Variants in PAX7 observed in about 807,000 individuals in gnomAD.
The protein encoded by PAX7 is paired box 7.
In PAX7, 18 loss-of-function variants were observed where a neutral mutation model predicts 50.7. That is an observed-to-expected ratio of 0.36 (90% confidence interval 0.25 to 0.53). PAX7 has a LOEUF of 0.53. Among genes scored for constraint, PAX7 ranks in the 20% least tolerant of loss-of-function variants. The probability of loss-of-function intolerance (pLI) is 0.93; values close to 1 mark genes in which losing one functional copy is unlikely to be tolerated. For synonymous variants in PAX7, 310 were observed against 290.4 expected (o/e 1.07, Z -0.69); for missense variants, 644 against 702.9 (o/e 0.92, Z 0.95).
chr1:18,722,512 C>T (rs1266856264), intron 7 of PAX7, among the ~76,000 whole-genome samples: 8 of 152,018 alleles, frequency 5.3e-5, no homozygotes, highest in African/African-American at 1.9e-4. Context: ...GCTTTATCCT[C>T]GATAAGTGGA....
chr1:18,709,270 G>A (rs1032359136), intron 7 of PAX7, among the ~76,000 whole-genome samples: 6 of 152,140 alleles, frequency 3.9e-5, no homozygotes, highest in Non-Finnish European at 7.3e-5. Flanking sequence ...TGGAAGGGGC[G>A]TCTGTCTCCC....
Position 18,735,914 on chromosome 1 carries a change from A to G in PAX7, c.1402+36A>G. ...GGTGCCCTGGGCGTCCCCCGTCCCC[A>G]TTCCTTCTCCCACCCCCAGGGCCTC... On this transcript the variant is annotated intron_variant, in intron 8 of 8. Transcript: ENST00000420770. The surrounding 1 kb of genome is among the most constrained non-coding windows in gnomAD (Gnocchi z 4.0). 1 of 1,613,922 alleles carries G rather than the reference A, an allele frequency of 6.2e-7. No individual in the cohort carries two copies. The highest frequency in any genetic ancestry group is 8.5e-7 in the Non-Finnish European group (1 of 1,180,014).
chr1:18,676,410 G>A (rs972878887), intron 4 of PAX7, among the ~76,000 whole-genome samples: 9 of 151,188 alleles, frequency 6.0e-5, no homozygotes, highest in Non-Finnish European at 8.8e-5. Context: ...GGTGGGGAGG[G>A]GGGCAGCGGG....
chr1:18,656,833 A>G (rs373917624), intron 4 of PAX7, among the ~76,000 whole-genome samples: 5 of 152,040 alleles, frequency 3.3e-5, no homozygotes, highest in African/African-American at 9.6e-5. Flanking sequence ...TCTACCAAAA[A>G]ATAAAAAAAT....
At chr1:18,719,637 G>A (rs1484860849) in intron 7 of PAX7, among the ~76,000 whole-genome samples, 8 of 152,208 alleles carry the variant, frequency 5.3e-5, no homozygotes, top group African/African-American at 1.7e-4. Flanking sequence ...CAGAAGTTCC[G>A]GAGCCTCCCC....
rs1375020817 is a variant in PAX7 at position 18,744,921 on chromosome 1, G to T, written c.1510G>T (p.Ala504Ser). 5.8e-5 allele frequency: 89 copies of T among 1,537,628 alleles called. No individual in the cohort carries two copies. The highest frequency in any genetic ancestry group is 7.1e-5 in the Non-Finnish European group (80 of 1,133,626). Residue 504 changes from alanine to serine, a missense_variant, in exon 9 of 9, where the codon GCC (alanine) becomes TCC (serine). Transcript: ENST00000420770. ...LGLLPVETGQ[A>S]Y is the part of the protein sequence containing the mutation. The stretch of plus-strand genomic sequence containing the variant: ...ACTCCTGCCTGTGGAAACTGGCCAG[G>T]CCTACTAGGGCCCCTGGGGCGACTT...
chr1:18,720,909 C>G (rs582451), intron 7 of PAX7, among the ~76,000 whole-genome samples: 131,679 of 151,940 alleles, frequency 0.87, 57,122 homozygotes, highest in Middle Eastern at 0.89. Context: ...GCTGGAGGGA[C>G]GAAGGTGCAG....
chr1:18,735,520 G>A lies in PAX7; in HGVS notation c.1156-112G>A. ...GACCTCGAAGCTACAGAGACTTCAA[G>A]GGAACAACTCTGGCAAAGAGTGTTC... is the stretch of plus-strand genomic sequence containing the variant. On this transcript the variant is annotated intron_variant, in intron 7 of 8. Transcript: ENST00000420770. This position sits in a 1 kb window ranked among gnomAD's most constrained non-coding sequence, Gnocchi z 4.0. The A allele has an allele frequency of 1.3e-6, 2 of 1,509,234 alleles. No individual in the cohort carries two copies. The highest frequency in any genetic ancestry group is 1.8e-6 in the Non-Finnish European group (2 of 1,126,698). The allele number at this position is 1,509,234 out of a possible 1,614,324, so 93.5% of individuals were successfully genotyped here. A position where few individuals can be genotyped will look rare whatever the true frequency, so the allele number is the denominator to read the frequency against.
In PAX7 at chr1:18,700,063, A is replaced by C. The variant is rs1038069504; in HGVS notation, c.787-590A>C. 8.1e-5 allele frequency among the ~76,000 whole-genome samples: 12 copies of C among 147,760 alleles called. No homozygotes were observed. The South Asian group carries it at 1.3e-3, about 16-fold the overall frequency. ...AAAATGTTGGGTTATTATCCCACTAATGTTTGATAAATCCGTGTGTGTGTG... is the reference window on the plus strand; with the variant it reads ...AAAATGTTGGGTTATTATCCCACTACTGTTTGATAAATCCGTGTGTGTGTG... On this transcript the variant is annotated intron_variant, in intron 5 of 8. Coordinates refer to ENST00000420770, the MANE Select transcript of PAX7 (RefSeq NM_001135254.2). The surrounding 1 kb of genome is among the most constrained non-coding windows in gnomAD (Gnocchi z 4.8).
chr1:18,649,991 GC>G (rs2088406543), intron 4 of PAX7, among the ~76,000 whole-genome samples: 1 of 152,176 alleles, frequency 6.6e-6, no homozygotes, highest in Admixed American at 6.5e-5. Flanking sequence ...CATCCTTTGA[GC>G]TGTAATACTC....
At chr1:18,702,980 C>G in intron 6 of PAX7, 114 bp from the exon 7 acceptor site, 1 of 966,122 alleles carries the variant, frequency 1.0e-6, no homozygotes, top group Non-Finnish European at 1.6e-6. Flanking sequence ...TGGTCCCTTC[C>G]CTCCAAGGAA....
chr1:18,731,917 G>A (rs2089651921), intron 7 of PAX7, among the ~76,000 whole-genome samples: 1 of 152,202 alleles, frequency 6.6e-6, no homozygotes, highest in Non-Finnish European at 1.5e-5. Flanking sequence ...CCCCTTCTGA[G>A]AAAGGACTGC....
intron 4 of PAX7, among the ~76,000 whole-genome samples, chr1:18,671,511 G>C (rs1308226038): frequency 2.0e-5 from 3 of 152,188 alleles, no homozygotes; most frequent in Non-Finnish European, 2.9e-5. Context: ...GCCCCAGTGG[G>C]CCAGGTGGGA....
chr1:18,743,246 T>C (rs1301038803), intron 8 of PAX7, among the ~76,000 whole-genome samples: 1 of 152,346 alleles, frequency 6.6e-6, no homozygotes, highest in East Asian at 1.9e-4. Context: ...GAGGTTTGAA[T>C]AGATGAGGTG....
chr1:18,641,073 T>A (rs2088246124), intron 4 of PAX7, among the ~76,000 whole-genome samples: 1 of 152,236 alleles, frequency 6.6e-6, no homozygotes, highest in Non-Finnish European at 1.5e-5. Context: ...AGGCAAACAC[T>A]GGCGCTCGCG....
intron 4 of PAX7, among the ~76,000 whole-genome samples, chr1:18,656,924 C>G (rs569286167): frequency 1.4e-4 from 21 of 151,482 alleles, no homozygotes; most frequent in African/African-American, 5.1e-4. Flanking sequence ...CCTGGGAGGT[C>G]GAGGTTGCAG....
intron 7 of PAX7, among the ~76,000 whole-genome samples, chr1:18,713,449 GC>G (rs1362554633): frequency 6.6e-6 from 1 of 152,214 alleles, no homozygotes; most frequent in East Asian, 1.9e-4. Context: ...GTGAGACACA[GC>G]TGTAGTCCAT....
At chr1:18,648,544 C>A (rs999751139) in intron 4 of PAX7, among the ~76,000 whole-genome samples, 1 of 151,918 alleles carries the variant, frequency 6.6e-6, no homozygotes, top group African/African-American at 2.4e-5. Context: ...GATTTTGCCA[C>A]GTTGCCTGGG....
rs575104202 is a variant in PAX7, at chr1:18,690,015, C to T, written c.587-1739C>T. ...GGGAGCACAGTTTGAGTGAACCTCA[C>T]GTTACCTTTCTGGGACTCAGCTTCT... is the stretch of plus-strand genomic sequence containing the variant. On this transcript the variant is annotated intron_variant, in intron 4 of 8. Coordinates refer to ENST00000420770, the MANE Select transcript of PAX7 (RefSeq NM_001135254.2). Among the ~76,000 whole-genome samples the T allele has an allele frequency of 3.9e-5, 6 of 152,282 alleles. No individual in the cohort carries two copies. The South Asian group carries it at 6.2e-4, about 16-fold the overall frequency.
Sources: allele counts gnomAD v4.1 joint callset (sites outside exome capture counted in the v4.1 genomes callset), GRCh38; gene constraint gnomAD v4.1.1; non-coding constraint Gnocchi (gnomAD v3.1); transcripts MANE v1.5; gene names NCBI Gene and HGNC (gene_info 2026-07-23, HGNC 2026-07-21).